Variants in LRBA observed in about 807,000 individuals in gnomAD.
LRBA encodes the protein lipopolysaccharide-responsive and beige-like anchor protein.
Under a neutral mutation model 330.0 loss-of-function variants are expected in LRBA, and 176 were observed. The observed-to-expected ratio is 0.53, with a 90% CI of 0.47 to 0.60. The LOEUF (loss-of-function observed/expected upper bound fraction) is 0.60, where lower values mean the gene tolerates loss of function less well. LRBA is among the 20% of genes least tolerant of loss of function. The pLI is 0.00. For synonymous variants in LRBA, 1,230 were observed against 1,193.0 expected (o/e 1.03, Z -0.64); for missense variants, 3,259 against 3,444.8 (o/e 0.95, Z 1.35).
chr4:150,496,205 A>G (rs867185186), intron 40 of LRBA, among the ~76,000 whole-genome samples: 1 of 152,172 alleles, frequency 6.6e-6, no homozygotes. Context: ...TACAAATAGT[A>G]TACTATTAAC....
intron 40 of LRBA, among the ~76,000 whole-genome samples, chr4:150,586,503 T>C (rs1158034483): frequency 2.6e-5 from 4 of 152,164 alleles, no homozygotes; most frequent in Admixed American, 2.6e-4. Context: ...TCCCAGTAGC[T>C]GACTGAAAAA....
rs1199460799 is a variant in LRBA at position 150,908,601 on chromosome 4, T to C, written c.1359+59A>G. On this transcript the variant is annotated intron_variant, in intron 10 of 56. Coordinates refer to ENST00000651943, the MANE Select transcript of LRBA (RefSeq NM_001364905.1). ...TGTTTAACAGAAGCTACCAAATACA[T>C]CTCAATAACACATCAAAAATTACCA... is the stretch of plus-strand genomic sequence containing the variant. The C allele has an allele frequency of 2.7e-6, 4 of 1,494,770 alleles. No individual in the cohort carries two copies. The African/African-American group carries it at 5.6e-5, about 21-fold the overall frequency. The allele number at this position is 1,494,770 out of a possible 1,614,324, so 92.6% of individuals were successfully genotyped here. A position where few individuals can be genotyped will look rare whatever the true frequency, so the allele number is the denominator to read the frequency against.
intron 40 of LRBA, among the ~76,000 whole-genome samples, chr4:150,559,658 T>TA (rs1561350813): frequency 8.2e-5 from 2 of 24,342 alleles, no homozygotes; most frequent in East Asian, 8.9e-4. Flanking sequence ...TAATATATAA[T>TA]TATAATATAT....
intron 2 of LRBA, among the ~76,000 whole-genome samples, chr4:150,964,711 G>A (rs1738687180): frequency 6.6e-6 from 1 of 151,872 alleles, no homozygotes; most frequent in Non-Finnish European, 1.5e-5. Context: ...CCTCTGCCTA[G>A]GAAAACCAGA....
At chr4:150,326,302 C>T (rs571457352) in intron 48 of LRBA, among the ~76,000 whole-genome samples, 33 of 152,218 alleles carry the variant, frequency 2.2e-4, no homozygotes, top group African/African-American at 7.7e-4. Context: ...CCATTTCATC[C>T]TGGGGAGTAA....
chr4:150,927,242 ATACGCCTGTAG>A (rs1234970884), intron 4 of LRBA, among the ~76,000 whole-genome samples: 1 of 151,674 alleles, frequency 6.6e-6, no homozygotes, highest in Non-Finnish European at 1.5e-5. Flanking sequence ...ACTTGGTGGC[ATACGCCTGTAG>A]TCCCAGCTAC....
chr4:150,832,382 G>A (rs797002718), intron 28 of LRBA, among the ~76,000 whole-genome samples: 1 of 152,248 alleles, frequency 6.6e-6, no homozygotes, highest in African/African-American at 2.4e-5. Flanking sequence ...GATCACTTGA[G>A]GTCAGGAATT....
At chr4:150,909,902 A>G (rs576499231) in intron 9 of LRBA, among the ~76,000 whole-genome samples, 1 of 152,176 alleles carries the variant, frequency 6.6e-6, no homozygotes, top group African/African-American at 2.4e-5. Context: ...GCATTTTTCT[A>G]ATGTCTAGTG....
intron 48 of LRBA, among the ~76,000 whole-genome samples, chr4:150,336,568 G>A (rs534538655): frequency 1.3e-4 from 20 of 152,130 alleles, no homozygotes; most frequent in Non-Finnish European, 7.4e-5. Flanking sequence ...AGAAAAGGGG[G>A]AGAAGGAAAA....
intron 47 of LRBA, among the ~76,000 whole-genome samples, chr4:150,353,393 G>C (rs1358818833): frequency 6.6e-6 from 1 of 152,118 alleles, no homozygotes; most frequent in Non-Finnish European, 1.5e-5. Flanking sequence ...AGTCTCCTGA[G>C]TGTCCATGGT....
At chr4:150,272,775 GAACA>G (rs1746294496) in intron 56 of LRBA, among the ~76,000 whole-genome samples, 1 of 151,726 alleles carries the variant, frequency 6.6e-6, no homozygotes, top group South Asian at 2.1e-4. Context: ...GAATGAAAAG[GAACA>G]AACAAAGCCT....
chr4:150,869,173 C>T (rs1035724898), intron 20 of LRBA, among the ~76,000 whole-genome samples: 4 of 151,746 alleles, frequency 2.6e-5, no homozygotes, highest in Admixed American at 2.6e-4. Flanking sequence ...CCTGCCTTGG[C>T]GTCCCAAAGT....
At chr4:150,620,008 A>C (rs1776142561) in intron 37 of LRBA, among the ~76,000 whole-genome samples, 1 of 152,168 alleles carries the variant, frequency 6.6e-6, no homozygotes, top group African/African-American at 2.4e-5. Flanking sequence ...ATTTAACTAC[A>C]AAAAATTTAT....
At chr4:150,582,928 A>G in intron 40 of LRBA, 1 of 1,383,550 alleles carries the variant, frequency 7.2e-7, no homozygotes, top group Non-Finnish European at 9.8e-7. Context: ...CGGGGAGCGC[A>G]CCGCCTCTTT....
At chr4:150,744,902 A>C (rs745926059) in intron 35 of LRBA, among the ~76,000 whole-genome samples, 1 of 152,180 alleles carries the variant, frequency 6.6e-6, no homozygotes, top group Non-Finnish European at 1.5e-5. Flanking sequence ...CGGTGATGGG[A>C]TAATCACTCT....
chr4:150,645,102 C>CA lies in LRBA; in HGVS notation c.5921+38448dup, dbSNP rs1042085100. On this transcript the variant is annotated intron_variant, in intron 37 of 56. Transcript: ENST00000651943. ...TAACTTGCTCTTCCACACAGCAATTCAAAAAAAAGTTTTTTTTTCTTGAGA... is the reference window on the plus strand; with the variant it reads ...TAACTTGCTCTTCCACACAGCAATTCAAAAAAAAAGTTTTTTTTTCTTGAGA... Among the ~76,000 whole-genome samples the CA allele has an allele frequency of 3.6e-4, 49 of 137,080 alleles. 2 individuals carry two copies. In the East Asian group the frequency reaches 9.2e-3, roughly 26 times the overall value. 89.9% of individuals were successfully genotyped at this position (137,080 alleles called of 152,430 possible).
intron 17 of LRBA, among the ~76,000 whole-genome samples, chr4:150,879,546 G>C (rs961499837): frequency 6.6e-6 from 1 of 152,044 alleles, no homozygotes; most frequent in Non-Finnish European, 1.5e-5. Context: ...GGAACAAAAG[G>C]CATCCAAATA....
intron 2 of LRBA, among the ~76,000 whole-genome samples, chr4:150,937,779 T>A (rs1235519716): frequency 6.6e-6 from 1 of 152,126 alleles, no homozygotes; most frequent in Non-Finnish European, 1.5e-5. Context: ...CCTTTATAAG[T>A]TTTGTATGAG....
In LRBA at chr4:150,823,457, C is replaced by T. The variant is rs1333889048; in HGVS notation, c.5171+4723G>A. ...TTGTTTTCTCTGCTATGCATAAGTT[C>T]TGTAGCTTGATGTGATCTCATCTGT... On this transcript the variant is annotated intron_variant, in intron 30 of 56. Coordinates refer to ENST00000651943, the MANE Select transcript of LRBA (RefSeq NM_001364905.1). 1.3e-5 allele frequency among the ~76,000 whole-genome samples: 2 copies of T among 152,170 alleles called. 1 individual carries two copies. The highest frequency in any genetic ancestry group is 4.2e-4 in the South Asian group (2 of 4,818).
Sources: allele counts gnomAD v4.1 joint callset (sites outside exome capture counted in the v4.1 genomes callset), GRCh38; gene constraint gnomAD v4.1.1; transcripts MANE v1.5; gene names NCBI Gene and HGNC (gene_info 2026-07-23, HGNC 2026-07-21).